The following TSC22D1 variants were observed in gnomAD, a reference collection of about 807,000 sequenced individuals.
The protein encoded by TSC22D1 is TSC22 domain family member 1.
In TSC22D1, 9 loss-of-function variants were observed where a neutral mutation model predicts 74.2. That is an observed-to-expected ratio of 0.12 (90% CI 0.07 to 0.21). The LOEUF (loss-of-function observed/expected upper bound fraction) is 0.21, where lower values mean the gene tolerates loss of function less well. Among genes scored for constraint, TSC22D1 ranks in the 10% least tolerant of loss-of-function variants. The probability of loss-of-function intolerance (pLI) is 1.00; values close to 1 mark genes in which losing one functional copy is unlikely to be tolerated. For synonymous variants in TSC22D1, 586 were observed against 492.5 expected (o/e 1.19, Z -2.51); for missense variants, 1,427 against 1,304.7 (o/e 1.09, Z -1.44).
At chr13:44,534,231 G>A (rs58625763) in intron 1 of TSC22D1, among the ~76,000 whole-genome samples, 2,661 of 99,720 alleles carry the variant, frequency 0.027, 59 homozygotes, top group African/African-American at 0.079. Context: ...GTCTCAAGGA[G>A]AAAAAAAAAA....
chr13:44,444,562 T>C (rs1434557929), intron 1 of TSC22D1, among the ~76,000 whole-genome samples: 3 of 151,980 alleles, frequency 2.0e-5, no homozygotes, highest in Non-Finnish European at 4.4e-5. Flanking sequence ...GTGCAAAGAA[T>C]ATTATAAAGA....
At chr13:44,566,452 C>T (rs1411690098) in intron 1 of TSC22D1, among the ~76,000 whole-genome samples, 1 of 152,158 alleles carries the variant, frequency 6.6e-6, no homozygotes, top group Non-Finnish European at 1.5e-5. Context: ...CTTCTATGAA[C>T]TGAAATTCTG....
chr13:44,446,648 T>C (rs1875665753), intron 1 of TSC22D1, among the ~76,000 whole-genome samples: 2 of 151,774 alleles, frequency 1.3e-5, no homozygotes, highest in Non-Finnish European at 2.9e-5. Flanking sequence ...AACAACACTA[T>C]TGCTGTACAC....
At chr13:44,478,991 C>T (rs1878052430) in intron 1 of TSC22D1, among the ~76,000 whole-genome samples, 1 of 152,032 alleles carries the variant, frequency 6.6e-6, no homozygotes, top group South Asian at 2.1e-4. Context: ...TATCCTGTAT[C>T]ATCAAAGATT....
intron 1 of TSC22D1, among the ~76,000 whole-genome samples, chr13:44,457,818 G>C (rs921814814): frequency 3.3e-5 from 5 of 152,234 alleles, no homozygotes; most frequent in African/African-American, 1.2e-4. Flanking sequence ...GTGAAGCAGA[G>C]AGCTCACCTA....
At chr13:44,473,331 C>CA (rs1271026949) in intron 1 of TSC22D1, among the ~76,000 whole-genome samples, 4 of 151,770 alleles carry the variant, frequency 2.6e-5, no homozygotes, top group African/African-American at 9.7e-5. Flanking sequence ...CCCATCTCTA[C>CA]AAAAAATACA....
Position 44,434,654 on chromosome 13 carries a change from G to A in TSC22D1, c.3194C>T (p.Ala1065Val), listed in dbSNP as rs1286239062. ...QGTTQPPAQP[A>V]SQGSGPTA The stretch of plus-strand genomic sequence containing the variant: ...TGCGGTTGGTCCTGAGCCCTGCGAT[G>A]CTGGCTGGGCGGGGGGCTGTGTGGT... Residue 1065 changes from alanine (A) to valine (V), a missense_variant, in exon 3 of 3, where the codon GCA becomes GTA. Coordinates refer to ENST00000458659, the MANE Select transcript of TSC22D1 (RefSeq NM_183422.4). The A allele has an allele frequency of 6.3e-7, 1 of 1,586,820 alleles. No individual in the cohort carries two copies. Among genetic ancestry groups the A allele is most frequent in the Non-Finnish European group, 8.6e-7 (1 of 1,168,466 alleles).
intron 1 of TSC22D1, among the ~76,000 whole-genome samples, chr13:44,496,987 T>C (rs1431457682): frequency 5.9e-5 from 9 of 152,048 alleles, no homozygotes; most frequent in Non-Finnish European, 1.3e-4. Flanking sequence ...GTATAGCTGC[T>C]GTGCTATATA....
intron 1 of TSC22D1, among the ~76,000 whole-genome samples, chr13:44,541,751 G>C (rs1244497887): frequency 6.6e-6 from 1 of 152,078 alleles, no homozygotes; most frequent in Non-Finnish European, 1.5e-5. Flanking sequence ...ATCTAATTAA[G>C]TAGTTTCAAG....
intron 1 of TSC22D1, among the ~76,000 whole-genome samples, chr13:44,527,193 T>C (rs1035909239): frequency 2.0e-5 from 3 of 151,918 alleles, no homozygotes; most frequent in African/African-American, 7.3e-5. Context: ...AAAGTTCTTC[T>C]GAAAGAAGGA....
chr13:44,489,711 T>G (rs1264909273), intron 1 of TSC22D1, among the ~76,000 whole-genome samples: 4 of 151,494 alleles, frequency 2.6e-5, no homozygotes, highest in Non-Finnish European at 5.9e-5. Flanking sequence ...AAAAGAAAAA[T>G]AGGCAAGAGA....
At chr13:44,463,228 G>T (rs1365126269) in intron 1 of TSC22D1, among the ~76,000 whole-genome samples, 2 of 152,090 alleles carry the variant, frequency 1.3e-5, no homozygotes, top group Non-Finnish European at 2.9e-5. Flanking sequence ...GTAATAAATA[G>T]ACATAAAAGC....
chr13:44,433,950 T>C lies in TSC22D1; in HGVS notation c.*676A>G. ...AAATAGTAGTTACAGTCCTCTATTG[T>C]ACAAAATAGTTACACTACATACACA... is the stretch of plus-strand genomic sequence containing the variant. On this transcript the variant is annotated 3_prime_UTR_variant, in exon 3 of 3. Coordinates refer to ENST00000458659, the MANE Select transcript of TSC22D1 (RefSeq NM_183422.4). The C allele has an allele frequency of 1.3e-6, 2 of 1,526,538 alleles. No homozygotes were observed. 94.6% of individuals were successfully genotyped at this position (1,526,538 alleles called of 1,614,324 possible). A position where few individuals can be genotyped will look rare whatever the true frequency, so the allele number is the denominator to read the frequency against.
chr13:44,504,556 A>G lies in TSC22D1; in HGVS notation c.2913-68461T>C, dbSNP rs112227228. Among the ~76,000 whole-genome samples the G allele has an allele frequency of 3.6e-4, 53 of 149,258 alleles. 1 individual carries two copies. Among genetic ancestry groups the G allele is most frequent in the African/African-American group, 1.2e-3 (47 of 40,552 alleles). On this transcript the variant is annotated intron_variant, in intron 1 of 2. Coordinates refer to ENST00000458659, the MANE Select transcript of TSC22D1 (RefSeq NM_183422.4). ...GAGGTGGAGGTTGCAGTGAGCAGTG[A>G]TCGTACCACTGCACTCCAGCCTGGG...
chr13:44,451,712 G>C (rs527859590), intron 1 of TSC22D1, among the ~76,000 whole-genome samples: 7 of 152,358 alleles, frequency 4.6e-5, no homozygotes, highest in Non-Finnish European at 8.8e-5. Flanking sequence ...AGGGGATCCA[G>C]AAGAATGCGG....
In TSC22D1 at chr13:44,575,684, T is replaced by C; in HGVS notation, c.391A>G (p.Ile131Val). ...ISASISSNNS[I>V]AEDTESYDDL... ...TCATAGCTCTCAGTGTCCTCTGCTA[T>C]ACTGTTGTTAGAGCTGATACTAGCG... Residue 131 changes from isoleucine (I) to valine (V), a missense_variant, in exon 1 of 3, where the codon ATA (isoleucine) becomes GTA (valine). This residue lies in a region of TSC22D1 where 1,343 missense variants were observed against 1,191.5 expected (regional missense o/e 1.13). Coordinates refer to ENST00000458659, the MANE Select transcript of TSC22D1 (RefSeq NM_183422.4). 6.2e-7 allele frequency: 1 copy of C among 1,614,242 alleles called. No individual in the cohort carries two copies. The highest frequency in any genetic ancestry group is 8.5e-7 in the Non-Finnish European group (1 of 1,180,054).
chr13:44,458,655 CTT>C (rs1876812232), intron 1 of TSC22D1, among the ~76,000 whole-genome samples: 1 of 152,224 alleles, frequency 6.6e-6, no homozygotes, highest in Non-Finnish European at 1.5e-5. Flanking sequence ...GGAAGCCCCA[CTT>C]CCCCCACAGG....
At chr13:44,436,639 C>T (rs375362034) in intron 1 of TSC22D1, 1 of 1,601,552 alleles carries the variant, frequency 6.2e-7, no homozygotes, top group Non-Finnish European at 8.5e-7. Flanking sequence ...GCAATTGCAG[C>T]CAAAAACACC....
intron 1 of TSC22D1, among the ~76,000 whole-genome samples, chr13:44,571,548 A>G (rs1246284924): frequency 3.9e-5 from 6 of 152,160 alleles, no homozygotes; most frequent in Admixed American, 3.9e-4. Context: ...TGTGTATTTT[A>G]CCCGTCTTTT....
Sources: allele counts gnomAD v4.1 joint callset (sites outside exome capture counted in the v4.1 genomes callset), GRCh38; gene constraint gnomAD v4.1.1; regional missense constraint gnomAD v4.1.1; transcripts MANE v1.5; gene names NCBI Gene and HGNC (gene_info 2026-07-23, HGNC 2026-07-21).